Variants in QTMAN observed in about 807,000 individuals in gnomAD.
QTMAN encodes queuosine-tRNA mannosyltransferase, also known as tRNA-queuosine alpha-mannosyltransferase.
chr2:144,024,773 AGCTTT>A, the QTMAN span, among the ~76,000 whole-genome samples: 35 of 152,328 alleles, frequency 2.3e-4, no homozygotes, highest in Non-Finnish European at 4.4e-4. Context: ...ACACAGAAAT[AGCTTT>A]GCTACATAGA....
the QTMAN span, among the ~76,000 whole-genome samples, chr2:144,237,914 G>C: frequency 3.9e-5 from 6 of 152,194 alleles, no homozygotes; most frequent in Non-Finnish European, 8.8e-5. Context: ...CCTAGGGAAA[G>C]GTACACAAGG....
chr2:144,318,192 TAAAC>T, the QTMAN span, among the ~76,000 whole-genome samples: 1 of 121,148 alleles, frequency 8.3e-6, no homozygotes, highest in Admixed American at 8.1e-5. Context: ...TCTATTTAAA[TAAAC>T]ACACACACAC....
the QTMAN span, among the ~76,000 whole-genome samples, chr2:144,134,867 A>G: frequency 6.6e-6 from 1 of 152,170 alleles, no homozygotes; most frequent in Non-Finnish European, 1.5e-5. Flanking sequence ...CACAGGAAAC[A>G]TAAACATTTG....
the QTMAN span, among the ~76,000 whole-genome samples, chr2:144,083,624 T>C: frequency 6.6e-6 from 1 of 152,236 alleles, no homozygotes; most frequent in Non-Finnish European, 1.5e-5. Context: ...TGAAAATGTA[T>C]GCAGTGATCC....
chr2:144,276,365 T>G, the QTMAN span, among the ~76,000 whole-genome samples: 1 of 152,022 alleles, frequency 6.6e-6, no homozygotes, highest in Non-Finnish European at 1.5e-5. Flanking sequence ...AGTATTATTT[T>G]TATTTTTATT....
the QTMAN span, among the ~76,000 whole-genome samples, chr2:144,202,621 T>A: frequency 1.3e-5 from 2 of 152,088 alleles, no homozygotes; most frequent in Non-Finnish European, 2.9e-5. Flanking sequence ...TGGGGATGAG[T>A]TTTTTTCCCC....
At chr2:144,293,938 T>G in the QTMAN span, among the ~76,000 whole-genome samples, 5 of 152,202 alleles carry the variant, frequency 3.3e-5, no homozygotes, top group African/African-American at 9.7e-5. Flanking sequence ...GACTACACAA[T>G]GGCTCTATTT....
chr2:144,327,025 G>A, the QTMAN span, among the ~76,000 whole-genome samples: 2 of 152,144 alleles, frequency 1.3e-5, no homozygotes, highest in Admixed American at 1.3e-4. Flanking sequence ...CTCAGGGAAA[G>A]CCTCTGACCT....
chr2:144,049,536 C>T, the QTMAN span, among the ~76,000 whole-genome samples: 1,639 of 152,196 alleles, frequency 0.011, 29 homozygotes, highest in African/African-American at 0.037. Flanking sequence ...AAATAATGAG[C>T]ATTATCTACT....
At chr2:144,076,074 C>T in the QTMAN span, among the ~76,000 whole-genome samples, 2 of 152,168 alleles carry the variant, frequency 1.3e-5, no homozygotes, top group African/African-American at 4.8e-5. Context: ...TGGTGAAACC[C>T]CGTCTCTACT....
the QTMAN span, among the ~76,000 whole-genome samples, chr2:143,989,262 T>C: frequency 6.6e-6 from 1 of 151,944 alleles, no homozygotes; most frequent in Non-Finnish European, 1.5e-5. Flanking sequence ...AATATAATTT[T>C]TTAAATGTAA....
At chr2:144,019,435 G>GGTGT in the QTMAN span, among the ~76,000 whole-genome samples, 16,550 of 116,956 alleles carry the variant, frequency 0.14, 1,431 homozygotes, top group Non-Finnish European at 0.17. Flanking sequence ...TAAGCATGCA[G>GGTGT]GTGTGTGTGT....
the QTMAN span, among the ~76,000 whole-genome samples, chr2:144,187,029 A>T: frequency 6.6e-6 from 1 of 152,218 alleles, no homozygotes; most frequent in Non-Finnish European, 1.5e-5. Context: ...TTAATAAGAA[A>T]AAACAAAGTG....
the QTMAN span, among the ~76,000 whole-genome samples, chr2:144,265,260 G>C: frequency 1.3e-5 from 2 of 152,176 alleles, no homozygotes; most frequent in African/African-American, 4.8e-5. Context: ...ATTCAACCAA[G>C]GGAAGTCCAG....
the QTMAN span, among the ~76,000 whole-genome samples, chr2:144,000,059 C>T: frequency 2.6e-4 from 39 of 152,064 alleles, no homozygotes; most frequent in African/African-American, 9.2e-4. Context: ...AAACAGTCAA[C>T]AAGGCACCAA....
At chr2:144,058,304 G>A in the QTMAN span, among the ~76,000 whole-genome samples, 4 of 151,872 alleles carry the variant, frequency 2.6e-5, no homozygotes, top group South Asian at 8.3e-4. Context: ...TTCTGCTAAG[G>A]GCTGCAAACT....
the QTMAN span, among the ~76,000 whole-genome samples, chr2:144,175,346 T>G: frequency 6.6e-6 from 1 of 152,040 alleles, no homozygotes; most frequent in Non-Finnish European, 1.5e-5. Context: ...AAAGTAAACC[T>G]TCCTAACATC....
the QTMAN span, among the ~76,000 whole-genome samples, chr2:144,221,376 T>C: frequency 6.6e-6 from 1 of 152,222 alleles, no homozygotes; most frequent in African/African-American, 2.4e-5. Flanking sequence ...ATTAAATGAT[T>C]AATGATCAAA....
At chr2:144,294,570 T>TA in the QTMAN span, 1 of 152,074 alleles carries the variant, frequency 6.6e-6, no homozygotes, top group Non-Finnish European at 1.5e-5. Flanking sequence ...AGGCAACTGG[T>TA]ACACGCAGAG....
Sources: allele counts gnomAD v4.1 joint callset (sites outside exome capture counted in the v4.1 genomes callset), GRCh38; gene constraint gnomAD v4.1.1; transcripts MANE v1.5; gene names NCBI Gene and HGNC (gene_info 2026-07-23, HGNC 2026-07-21).